The following TULP4 variants were observed in gnomAD, a reference collection of about 807,000 sequenced individuals.
TULP4 encodes the protein TUB like protein 4, also known as tubby-related protein 4.
A neutral mutation model predicts 129.0 loss-of-function variants in TULP4; 16 were observed. That is an observed-to-expected ratio of 0.12 (90% CI 0.08 to 0.19). The LOEUF is 0.19. Ranked by LOEUF, TULP4 falls within the 10% of genes least tolerant of loss-of-function variation. The pLI is 1.00. For synonymous variants in TULP4, 998 were observed against 854.0 expected, an observed-to-expected ratio of 1.17 and a Z score of -2.94; for missense variants, 1,842 against 2,059.1, an observed-to-expected ratio of 0.89 and a Z score of 2.04.
intron 1 of TULP4, among the ~76,000 whole-genome samples, chr6:158,389,969 G>C (rs1777546290): frequency 6.6e-6 from 1 of 152,000 alleles, no homozygotes; most frequent in Non-Finnish European, 1.5e-5. Flanking sequence ...AAGTTAGCCG[G>C]GTGTGGGTTC....
chr6:158,430,020 A>G, intron 3 of TULP4, 123 bp downstream of exon 3: 1 of 924,102 alleles, frequency 1.1e-6, no homozygotes, highest in Non-Finnish European at 1.5e-6. Flanking sequence ...GAAAAGAACA[A>G]TAAAACTGTC....
At chr6:158,240,021 G>A (rs1583665446) in intron 1 of TULP4, among the ~76,000 whole-genome samples, 1 of 120,182 alleles carries the variant, frequency 8.3e-6, no homozygotes, top group African/African-American at 2.9e-5. Flanking sequence ...TCCCGGACGG[G>A]GCGGCTGGCC....
rs370406632 is a variant in TULP4, at chr6:158,481,156, G to A, written c.1353G>A (p.Pro451=). ...HCTMKRTEDD[P]EVGGPCYTLY... ...CCATGAAGCGCACAGAGGACGACCC[G>A]GAGGTGGGCGGCCCGTGCTACACGC... is the stretch of plus-strand genomic sequence containing the variant. The change falls in exon 8 of 14, where the codon CCG becomes CCA. Residue 451 remains proline (P), a synonymous_variant. Transcript: ENST00000367097. The A allele has an allele frequency of 3.2e-5, 51 of 1,614,056 alleles. No homozygotes were observed. The highest frequency in any genetic ancestry group is 1.2e-4 in the African/African-American group (9 of 74,940).
chr6:158,240,018 C>T (rs1407679660), intron 1 of TULP4, among the ~76,000 whole-genome samples: 7 of 103,506 alleles, frequency 6.8e-5, no homozygotes, highest in African/African-American at 9.9e-5. Context: ...CCCTCCCGGA[C>T]GGGGCGGCTG....
At chr6:158,391,455 G>GT (rs1437898713) in intron 1 of TULP4, among the ~76,000 whole-genome samples, 1 of 152,218 alleles carries the variant, frequency 6.6e-6, no homozygotes, top group African/African-American at 2.4e-5. Flanking sequence ...ATTGTCAACT[G>GT]TAGTGTATGA....
chr6:158,235,070 G>A (rs553142028), intron 1 of TULP4, among the ~76,000 whole-genome samples: 1 of 152,152 alleles, frequency 6.6e-6, no homozygotes, highest in South Asian at 2.1e-4. Flanking sequence ...GAGAGGCAGA[G>A]GCAAAAGAAT....
intron 1 of TULP4, chr6:158,282,839 T>G (rs1418342728): frequency 6.6e-6 from 1 of 152,094 alleles, no homozygotes; most frequent in Non-Finnish European, 1.5e-5. Context: ...TACAGAACGT[T>G]ATATTATATG....
At chr6:158,405,405 G>A (rs941667337) in intron 1 of TULP4, among the ~76,000 whole-genome samples, 8 of 152,098 alleles carry the variant, frequency 5.3e-5, no homozygotes, top group East Asian at 3.9e-4. Flanking sequence ...TAGAGGCTGC[G>A]AAGGCCCCGA....
chr6:158,486,740 T>C (rs1198278114), intron 8 of TULP4, among the ~76,000 whole-genome samples: 2 of 152,188 alleles, frequency 1.3e-5, no homozygotes, highest in Non-Finnish European at 2.9e-5. Flanking sequence ...TATTTTGTTA[T>C]CGTAGCCTGA....
rs1397821107 is a variant in TULP4, at chr6:158,385,840, A to ATTTTTTTTTTTTT, written c.253-27224_253-27223insTTTTTTTTTTTTT. ...CAGGAAAAGTCTACAAATGTGGAAT[A>ATTTTTTTTTTTTT]TCTTTTTTTTTTTTTTTTTTTTGAG... On this transcript the variant is annotated intron_variant, in intron 1 of 13. Transcript: ENST00000367097. Among the ~76,000 whole-genome samples the ATTTTTTTTTTTTT allele has an allele frequency of 2.4e-4, 8 of 34,012 alleles. 1 individual carries two copies. The highest frequency in any genetic ancestry group is 5.3e-4 in the African/African-American group (4 of 7,508). 22.3% of individuals were successfully genotyped at this position (34,012 alleles called of 152,430 possible).
chr6:158,392,380 T>C (rs1219947841), intron 1 of TULP4, among the ~76,000 whole-genome samples: 1 of 152,194 alleles, frequency 6.6e-6, no homozygotes, highest in South Asian at 2.1e-4. Context: ...AACCACATCA[T>C]GAAGTAACAG....
chr6:158,241,369 G>A (rs1262604906), intron 1 of TULP4, among the ~76,000 whole-genome samples: 2 of 136,528 alleles, frequency 1.5e-5, no homozygotes, highest in Non-Finnish European at 3.3e-5. Context: ...CTGCAATCTC[G>A]GCACTTTGGG....
intron 1 of TULP4, among the ~76,000 whole-genome samples, chr6:158,303,946 C>G (rs1779171103): frequency 6.6e-6 from 1 of 152,116 alleles, no homozygotes; most frequent in African/African-American, 2.4e-5. Context: ...GCTTTTTTAC[C>G]TCTCCACTCC....
intron 1 of TULP4, among the ~76,000 whole-genome samples, chr6:158,235,244 T>A (rs1777667866): frequency 6.6e-6 from 1 of 152,162 alleles, no homozygotes; most frequent in Non-Finnish European, 1.5e-5. Flanking sequence ...ATTCACGTTG[T>A]CATGCAACTA....
chr6:158,435,931 T>C (rs2115079753), intron 3 of TULP4, among the ~76,000 whole-genome samples: 1 of 152,222 alleles, frequency 6.6e-6, no homozygotes, highest in East Asian at 1.9e-4. Flanking sequence ...GGACTCTTTT[T>C]TTTTTTTTAT....
At chr6:158,448,767 A>G (rs1442096909) in intron 3 of TULP4, among the ~76,000 whole-genome samples, 2 of 152,238 alleles carry the variant, frequency 1.3e-5, no homozygotes, top group Admixed American at 6.5e-5. Context: ...GCAATATAAT[A>G]TACTCATTCT....
intron 8 of TULP4, among the ~76,000 whole-genome samples, chr6:158,484,211 C>T (rs993427214): frequency 4.6e-5 from 7 of 151,744 alleles, no homozygotes; most frequent in Non-Finnish European, 8.8e-5. Context: ...AGGTGTGAGC[C>T]ACCATGCCCA....
intron 5 of TULP4, 98 bp downstream of exon 5, chr6:158,452,366 C>A: frequency 6.7e-7 from 1 of 1,481,910 alleles, no homozygotes; most frequent in Admixed American, 2.2e-5. Flanking sequence ...GATTCCTGTC[C>A]TCTGTGGTGA....
At chr6:158,437,215 T>C (rs1275991518) in intron 3 of TULP4, among the ~76,000 whole-genome samples, 4 of 152,246 alleles carry the variant, frequency 2.6e-5, no homozygotes, top group Admixed American at 6.5e-5. Context: ...AACAGGATTA[T>C]TTAAAAGAAT....
Sources: allele counts gnomAD v4.1 joint callset (sites outside exome capture counted in the v4.1 genomes callset), GRCh38; gene constraint gnomAD v4.1.1; transcripts MANE v1.5; gene names NCBI Gene and HGNC (gene_info 2026-07-23, HGNC 2026-07-21).